The following KCNIP4 variants were observed in gnomAD, a reference collection of about 807,000 sequenced individuals.
KCNIP4 encodes the protein Kv channel-interacting protein 4.
Under a neutral mutation model 34.0 loss-of-function variants are expected in KCNIP4, and 12 were observed. The observed-to-expected ratio is 0.35, with a 90% CI of 0.23 to 0.57. The LOEUF is 0.57. Among genes scored for constraint, KCNIP4 ranks in the 20% least tolerant of loss-of-function variants. KCNIP4 has a pLI of 0.83. For missense variants in KCNIP4, 238 were observed against 311.7 expected (o/e 0.76, Z 1.78); for synonymous variants, 124 against 102.2 (o/e 1.21, Z -1.29).
chr4:20,953,612 G>A (rs898378932), intron 1 of KCNIP4, among the ~76,000 whole-genome samples: 4 of 152,102 alleles, frequency 2.6e-5, no homozygotes, highest in Admixed American at 6.5e-5. Context: ...AGCCCGGGAG[G>A]CAGAAGTTGC....
intron 3 of KCNIP4, among the ~76,000 whole-genome samples, chr4:20,832,581 A>G (rs2149460007): frequency 6.6e-6 from 1 of 152,282 alleles, no homozygotes; most frequent in South Asian, 2.1e-4. Flanking sequence ...TTCCTTCAGA[A>G]CTTCTTGAAG....
At chr4:21,726,459 A>ACCTCTATGGTGATTTTTCCCTCATCCT (rs1560668355) in intron 1 of KCNIP4, among the ~76,000 whole-genome samples, 1 of 152,158 alleles carries the variant, frequency 6.6e-6, no homozygotes, top group Non-Finnish European at 1.5e-5. Flanking sequence ...TTTTTCCCTA[A>ACCTCTATGGTGATTTTTCCCTCATCCT]CTATGGGATG....
At chr4:21,189,028 A>G (rs1755447465) in intron 1 of KCNIP4, among the ~76,000 whole-genome samples, 1 of 152,334 alleles carries the variant, frequency 6.6e-6, no homozygotes, top group Middle Eastern at 3.4e-3. Context: ...CAAAATTCTT[A>G]AGTTCCCTAA....
chr4:21,033,220 T>C (rs891033763), intron 1 of KCNIP4, among the ~76,000 whole-genome samples: 1 of 152,236 alleles, frequency 6.6e-6, no homozygotes, highest in Non-Finnish European at 1.5e-5. Flanking sequence ...AACTCATCCC[T>C]GTCTATCTTC....
At chr4:21,057,346 T>A (rs552564287) in intron 1 of KCNIP4, among the ~76,000 whole-genome samples, 1 of 152,318 alleles carries the variant, frequency 6.6e-6, no homozygotes, top group East Asian at 1.9e-4. Context: ...TTTCTATCCC[T>A]TTTATTTTCT....
At chr4:21,441,276 G>A (rs1727452052) in intron 1 of KCNIP4, among the ~76,000 whole-genome samples, 1 of 151,692 alleles carries the variant, frequency 6.6e-6, no homozygotes, top group African/African-American at 2.4e-5. Context: ...CGAGTAGCTG[G>A]GACTACAGGT....
chr4:21,834,068 T>G (rs1438743415), intron 1 of KCNIP4, among the ~76,000 whole-genome samples: 5 of 152,112 alleles, frequency 3.3e-5, no homozygotes, highest in African/African-American at 1.2e-4. Context: ...TTGACTTGGC[T>G]ATGTGGGCTC....
chr4:21,836,810 T>TA (rs1241569277), intron 1 of KCNIP4, among the ~76,000 whole-genome samples: 1 of 152,048 alleles, frequency 6.6e-6, no homozygotes, highest in African/African-American at 2.4e-5. Context: ...AACTGAGATA[T>TA]ATTAATGGGC....
At chr4:21,729,867 T>C (rs569557824) in intron 1 of KCNIP4, 1 of 152,338 alleles carries the variant, frequency 6.6e-6, no homozygotes, top group South Asian at 2.1e-4. Context: ...GTTTGGAAAG[T>C]ATTTAATGCA....
intron 1 of KCNIP4, among the ~76,000 whole-genome samples, chr4:20,998,771 C>T (rs565239612): frequency 4.2e-4 from 64 of 152,294 alleles, no homozygotes; most frequent in Middle Eastern, 3.4e-3. Context: ...AGAAGTACTC[C>T]AAATGGAGGA....
intron 1 of KCNIP4, among the ~76,000 whole-genome samples, chr4:21,573,867 C>G (rs1312230459): frequency 6.6e-6 from 1 of 152,126 alleles, no homozygotes; most frequent in East Asian, 1.9e-4. Flanking sequence ...TTCCTGTTGG[C>G]TTATGTGCCT....
At chr4:21,783,603 GA>G (rs1279554299) in intron 1 of KCNIP4, among the ~76,000 whole-genome samples, 1 of 151,784 alleles carries the variant, frequency 6.6e-6, no homozygotes, top group Non-Finnish European at 1.5e-5. Flanking sequence ...GTCATTTCCA[GA>G]AAAAAATAAA....
At chr4:21,129,928 T>C (rs1370483053) in intron 1 of KCNIP4, among the ~76,000 whole-genome samples, 1 of 152,138 alleles carries the variant, frequency 6.6e-6, no homozygotes, top group Non-Finnish European at 1.5e-5. Flanking sequence ...ATGTTTTGTA[T>C]ATCACTGACT....
chr4:21,706,035 G>C (rs1220696053), intron 1 of KCNIP4, among the ~76,000 whole-genome samples: 2 of 152,010 alleles, frequency 1.3e-5, no homozygotes, highest in African/African-American at 4.8e-5. Context: ...TGCTATCCTT[G>C]GGAAAACACA....
intron 1 of KCNIP4, among the ~76,000 whole-genome samples, chr4:21,244,094 T>C (rs977699630): frequency 1.3e-5 from 2 of 152,318 alleles, no homozygotes; most frequent in Middle Eastern, 3.4e-3. Context: ...TTTAACAAAA[T>C]GTTCATTTTT....
At chr4:21,909,743 A>G (rs1347798542) in intron 1 of KCNIP4, among the ~76,000 whole-genome samples, 2 of 152,116 alleles carry the variant, frequency 1.3e-5, no homozygotes, top group Non-Finnish European at 2.9e-5. Context: ...TCACAGTTCC[A>G]AGTGGATGGG....
chr4:21,461,671 T>C (rs989468455), intron 1 of KCNIP4, among the ~76,000 whole-genome samples: 13 of 151,982 alleles, frequency 8.6e-5, no homozygotes, highest in African/African-American at 3.1e-4. Context: ...GTATGCCAAC[T>C]GAGTCAACTT....
chr4:21,666,245 A>G (rs1402352910), intron 1 of KCNIP4, among the ~76,000 whole-genome samples: 1 of 152,206 alleles, frequency 6.6e-6, no homozygotes, highest in African/African-American at 2.4e-5. Context: ...ATTCAGTGGG[A>G]CAGCTTGATG....
intron 1 of KCNIP4, among the ~76,000 whole-genome samples, chr4:21,092,364 C>A (rs1462279364): frequency 6.6e-6 from 1 of 151,902 alleles, no homozygotes; most frequent in Non-Finnish European, 1.5e-5. Context: ...AGGAGTCAGT[C>A]TAAAAGGAAT....
Sources: allele counts gnomAD v4.1 joint callset (sites outside exome capture counted in the v4.1 genomes callset), GRCh38; gene constraint gnomAD v4.1.1; transcripts MANE v1.5; gene names NCBI Gene and HGNC (gene_info 2026-07-23, HGNC 2026-07-21).